The following ADAMTS15 variants were observed in gnomAD, a reference collection of about 807,000 sequenced individuals.
ADAMTS15 encodes A disintegrin and metalloproteinase with thrombospondin motifs 15.
A neutral mutation model predicts 79.1 loss-of-function variants in ADAMTS15; 35 were observed. The ratio of observed to expected loss-of-function variants is 0.44; its 90% CI spans 0.34 to 0.59. The LOEUF (loss-of-function observed/expected upper bound fraction) is 0.59, where lower values mean the gene tolerates loss of function less well. ADAMTS15 is among the 20% of genes least tolerant of loss of function. ADAMTS15 has a pLI of 0.02. For missense variants in ADAMTS15, 1,324 were observed against 1,318.7 expected (o/e 1.00, Z -0.06); for synonymous variants, 616 against 567.3 (o/e 1.09, Z -1.22).
intron 1 of ADAMTS15, among the ~76,000 whole-genome samples, chr11:130,461,184 G>A (rs1396666063): frequency 1.3e-5 from 2 of 152,142 alleles, no homozygotes; most frequent in African/African-American, 4.8e-5. Flanking sequence ...ATAAAGTAGT[G>A]GCCCTTGTAG....
At chr11:130,454,627 T>C (rs1938036174) in intron 1 of ADAMTS15, among the ~76,000 whole-genome samples, 1 of 152,108 alleles carries the variant, frequency 6.6e-6, no homozygotes, top group Non-Finnish European at 1.5e-5. Flanking sequence ...TATTTAATAA[T>C]TTGTTATTCT....
intron 7 of ADAMTS15, among the ~76,000 whole-genome samples, chr11:130,471,964 C>T (rs1258415489): frequency 6.6e-6 from 1 of 152,216 alleles, no homozygotes; most frequent in Non-Finnish European, 1.5e-5. Flanking sequence ...AATAAACTGC[C>T]AAGAGACAGC....
At chr11:130,458,626 C>T (rs1215348161) in intron 1 of ADAMTS15, among the ~76,000 whole-genome samples, 1 of 152,202 alleles carries the variant, frequency 6.6e-6, no homozygotes, top group East Asian at 1.9e-4. Context: ...GTTGGCCCTT[C>T]CCCAGAGCAG....
rs1361341606 is a variant in ADAMTS15 at position 130,471,192 on chromosome 11, T to C, written c.1903-16T>C. On this transcript the variant is annotated splice_polypyrimidine_tract_variant and intron_variant, in intron 6 of 7. Transcript: ENST00000299164. ...GCCCTGCTCTTCCTTCTTTTTCCCC[T>C]TCTGGGGTGCTGCAGGTGGTGGACG... 6.3e-7 allele frequency: 1 copy of C among 1,590,306 alleles called. No homozygotes were observed. Among genetic ancestry groups the C allele is most frequent in the Non-Finnish European group, 8.6e-7 (1 of 1,167,332 alleles).
At chr11:130,464,620 A>G (rs1039474506) in intron 4 of ADAMTS15, among the ~76,000 whole-genome samples, 2 of 152,064 alleles carry the variant, frequency 1.3e-5, no homozygotes, top group Admixed American at 6.6e-5. Flanking sequence ...CCTTCCCATC[A>G]TGCCTCACCC....
Position 130,449,881 on chromosome 11 carries a change from G to T in ADAMTS15, c.908G>T (p.Ser303Ile). 1 of 1,602,606 alleles carries T rather than the reference G, an allele frequency of 6.2e-7. No individual in the cohort carries two copies. Reference sequence around the variant, plus strand: ...TGGCAGAAGAAGCTGAACAAAGTGAGTGACAAGCACCCCGAGTACTGGGAC... The same window carrying T: ...TGGCAGAAGAAGCTGAACAAAGTGATTGACAAGCACCCCGAGTACTGGGAC... ...CAWQKKLNKVSDKHPEYWDTA... is the reference protein window; with the variant it reads ...CAWQKKLNKVIDKHPEYWDTA... The change falls in exon 1 of 8, where the codon AGT becomes ATT. Residue 303 changes from serine to isoleucine, a missense_variant. By Grantham distance (142) the Ser-to-Ile change is moderately radical. Coordinates refer to ENST00000299164, the MANE Select transcript of ADAMTS15 (RefSeq NM_139055.4). This position sits in a 1 kb window ranked among gnomAD's most constrained non-coding sequence, Gnocchi z 7.8.
rs1308380848 is a variant in ADAMTS15, at chr11:130,473,904, G to A, written c.*83G>A. ...CCAGCTGGAGTAGCGGGCAGAGGAC[G>A]GTGGCCAGGGGCTCACGCCACGATG... is the stretch of plus-strand genomic sequence containing the variant. On this transcript the variant is annotated 3_prime_UTR_variant, in exon 8 of 8. Coordinates refer to ENST00000299164, the MANE Select transcript of ADAMTS15 (RefSeq NM_139055.4). 4 of 1,457,664 alleles carry A rather than the reference G, an allele frequency of 2.7e-6. No homozygotes were observed. Among genetic ancestry groups the A allele is most frequent in the Admixed American group, 4.7e-5 (2 of 42,260 alleles). The allele number at this position is 1,457,664 out of a possible 1,614,324, so 90.3% of individuals were successfully genotyped here.
chr11:130,459,025 GTTTTTTTTTT>G (rs757221690), intron 1 of ADAMTS15, among the ~76,000 whole-genome samples: 10 of 75,406 alleles, frequency 1.3e-4, no homozygotes, highest in African/African-American at 6.5e-4. Context: ...CCTCCCAAGT[GTTTTTTTTTT>G]TTTTTTTTTT....
chr11:130,449,079 A>T lies in ADAMTS15; in HGVS notation c.106A>T (p.Asn36Tyr). The T allele has an allele frequency of 2.5e-6, 4 of 1,578,066 alleles. No individual in the cohort carries two copies. Among genetic ancestry groups the T allele is most frequent in the Non-Finnish European group, 3.5e-6 (4 of 1,158,160 alleles). The stretch of plus-strand genomic sequence containing the variant: ...TCCCATCCGACTGGACCCGGACATT[A>T]ACGGCCGCCGCTACTACTGGCGGGG... The part of the protein sequence containing the change: ...VVPIRLDPDI[N>Y]GRRYYWRGPE... The change falls in exon 1 of 8, where the codon AAC becomes TAC. Residue 36 changes from asparagine to tyrosine, a missense_variant. Transcript: ENST00000299164. This position sits in a 1 kb window ranked among gnomAD's most constrained non-coding sequence, Gnocchi z 7.8.
At chr11:130,461,372 G>A (rs1441082526) in intron 1 of ADAMTS15, 117 bp from the exon 2 acceptor site, 6 of 1,448,004 alleles carry the variant, frequency 4.1e-6, no homozygotes, top group South Asian at 2.6e-5. Flanking sequence ...GCTGGGCCTG[G>A]TGAGGTTGGA....
chr11:130,449,325 A>C lies in ADAMTS15; in HGVS notation c.352A>C (p.Ser118Arg). The change falls in exon 1 of 8, where the codon AGC (serine) becomes CGC (arginine). Residue 118 changes from serine to arginine, a missense_variant. By Grantham distance (110) the Ser-to-Arg change is moderately radical (BLOSUM62 -1). Coordinates refer to ENST00000299164, the MANE Select transcript of ADAMTS15 (RefSeq NM_139055.4). The surrounding 1 kb of genome is among the most constrained non-coding windows in gnomAD (Gnocchi z 7.8). Reference protein sequence around the residue: ...NAEPDSFAAVSLCGGLRGAFG... With the variant: ...NAEPDSFAAVRLCGGLRGAFG... The stretch of plus-strand genomic sequence containing the variant: ...CGAGCCGGACTCGTTCGCTGCTGTG[A>C]GCCTGTGCGGGGGGCTCCGCGGAGC... 6.2e-7 allele frequency: 1 copy of C among 1,609,832 alleles called. No homozygotes were observed. The highest frequency in any genetic ancestry group is 8.5e-7 in the Non-Finnish European group (1 of 1,179,978).
Position 130,473,407 on chromosome 11 carries a change from G to A in ADAMTS15, c.2439G>A (p.Lys813=). ...EPREDKSSHP[K]DPRGPSVLHN... is the part of the protein sequence containing the mutation. ...GGGAGGACAAGTCCTCTCATCCCAAGGACCCCCGGGGACCCTCTGTCTTGC... is the reference window on the plus strand; with the variant it reads ...GGGAGGACAAGTCCTCTCATCCCAAAGACCCCCGGGGACCCTCTGTCTTGC... The change falls in exon 8 of 8, where the codon AAG becomes AAA. Residue 813 remains lysine (K), a synonymous_variant. Transcript: ENST00000299164. The A allele has an allele frequency of 6.2e-7, 1 of 1,612,802 alleles. No homozygotes were observed. Among genetic ancestry groups the A allele is most frequent in the Non-Finnish European group, 8.5e-7 (1 of 1,179,990 alleles).
intron 1 of ADAMTS15, among the ~76,000 whole-genome samples, chr11:130,459,040 T>TG (rs1938146635): frequency 7.0e-6 from 1 of 142,832 alleles, no homozygotes. Context: ...TTTTTTTTTT[T>TG]TTTTTTTTTT....
Position 130,473,517 on chromosome 11 carries a change from C to T in ADAMTS15, c.2549C>T (p.Pro850Leu), listed in dbSNP as rs773670804. Residue 850 changes from proline (P) to leucine (L), a missense_variant, in exon 8 of 8, where the codon CCG becomes CTG. Pro to Leu is a moderately conservative substitution (Grantham distance 98, BLOSUM62 -3). Transcript: ENST00000299164. The stretch of plus-strand genomic sequence containing the variant: ...CGCTGGGTGGCTGGCAGCTGGGGGC[C>T]GTGCTCCGCGAGCTGCGGCAGTGGC... ...PARWVAGSWG[P>L]CSASCGSGLQ... The T allele has an allele frequency of 5.0e-6, 8 of 1,608,844 alleles. No homozygotes were observed. Among genetic ancestry groups the T allele is most frequent in the South Asian group, 1.1e-5 (1 of 90,890 alleles).
chr11:130,473,540 G>A lies in ADAMTS15; in HGVS notation c.2572G>A (p.Gly858Ser). The stretch of plus-strand genomic sequence containing the variant: ...GCCGTGCTCCGCGAGCTGCGGCAGT[G>A]GCCTGCAGAAGCGGGCGGTGGACTG... ...WGPCSASCGS[G>S]LQKRAVDCRG... Residue 858 changes from glycine (G) to serine (S), a missense_variant, in exon 8 of 8, where the codon GGC becomes AGC. Gly to Ser is a moderately conservative substitution (Grantham distance 56). Coordinates refer to ENST00000299164, the MANE Select transcript of ADAMTS15 (RefSeq NM_139055.4). 6.2e-7 allele frequency: 1 copy of A among 1,605,742 alleles called. No individual in the cohort carries two copies. The highest frequency in any genetic ancestry group is 8.5e-7 in the Non-Finnish European group (1 of 1,175,376).
chr11:130,463,585 A>G (rs1372730105), intron 4 of ADAMTS15, among the ~76,000 whole-genome samples: 1 of 152,160 alleles, frequency 6.6e-6, no homozygotes, highest in Non-Finnish European at 1.5e-5. Context: ...CTCTGGGCAC[A>G]GAGGCAGTGT....
chr11:130,473,576 G>T lies in ADAMTS15; in HGVS notation c.2608G>T (p.Ala870Ser). Residue 870 changes from alanine (A) to serine (S), a missense_variant, in exon 8 of 8, where the codon GCC becomes TCC. Physicochemically the swap from Ala to Ser is moderately conservative, Grantham distance 99. Coordinates refer to ENST00000299164, the MANE Select transcript of ADAMTS15 (RefSeq NM_139055.4). ...QKRAVDCRGSAGQRTVPACDA... is the reference protein window; with the variant it reads ...QKRAVDCRGSSGQRTVPACDA... ...GCGGGCGGTGGACTGCCGGGGCTCC[G>T]CCGGGCAGCGCACGGTCCCTGCCTG... 6.2e-7 allele frequency: 1 copy of T among 1,603,290 alleles called. No individual in the cohort carries two copies. The highest frequency in any genetic ancestry group is 1.3e-5 in the African/African-American group (1 of 74,802).
At chr11:130,461,338 GGAA>G in intron 1 of ADAMTS15, 148 bp from the exon 2 acceptor site, 1 of 1,132,284 alleles carries the variant, frequency 8.8e-7, no homozygotes, top group Non-Finnish European at 1.2e-6. Context: ...CAACCTCCTA[GGAA>G]GAAGAGCCCA....
chr11:130,466,463 A>C (rs984936006), intron 4 of ADAMTS15, among the ~76,000 whole-genome samples: 2 of 152,144 alleles, frequency 1.3e-5, no homozygotes, highest in Non-Finnish European at 2.9e-5. Flanking sequence ...GCAACTCCAC[A>C]TTCTGGTTGC....
Sources: allele counts gnomAD v4.1 joint callset (sites outside exome capture counted in the v4.1 genomes callset), GRCh38; gene constraint gnomAD v4.1.1; non-coding constraint Gnocchi (gnomAD v3.1); transcripts MANE v1.5; gene names NCBI Gene and HGNC (gene_info 2026-07-23, HGNC 2026-07-21).